The following ADAM12 variants were observed in gnomAD, a reference collection of about 807,000 sequenced individuals.
ADAM12 encodes the protein disintegrin and metalloproteinase domain-containing protein 12.
A neutral mutation model predicts 106.4 loss-of-function variants in ADAM12; 70 were observed. The ratio of observed to expected loss-of-function variants is 0.66; its 90% CI spans 0.54 to 0.80. The LOEUF is 0.80. Ranked by LOEUF, ADAM12 falls within the 30% of genes least tolerant of loss-of-function variation. The probability of loss-of-function intolerance (pLI) is 0.00; values close to 1 mark genes in which losing one functional copy is unlikely to be tolerated. For synonymous variants in ADAM12, 420 were observed against 433.5 expected (o/e 0.97, Z 0.39); for missense variants, 1,010 against 1,171.9 (o/e 0.86, Z 2.02).
intron 22 of ADAM12, 118 bp from the exon 23 acceptor site, chr10:126,017,457 AC>A: frequency 1.0e-6 from 1 of 994,072 alleles, no homozygotes; most frequent in Non-Finnish European, 1.5e-6. Flanking sequence ...TGTGTCAGAT[AC>A]CACTGCCCCT....
intron 2 of ADAM12, among the ~76,000 whole-genome samples, chr10:126,291,744 A>G (rs1030447874): frequency 3.9e-4 from 59 of 152,240 alleles, no homozygotes; most frequent in African/African-American, 1.4e-3. Flanking sequence ...GGGGTGATGG[A>G]TGCAGCTCTG....
At chr10:126,303,990 A>G (rs1960734349) in intron 2 of ADAM12, among the ~76,000 whole-genome samples, 1 of 152,160 alleles carries the variant, frequency 6.6e-6, no homozygotes, top group South Asian at 2.1e-4. Context: ...CCAGAGATTG[A>G]GCTGTAATAC....
At chr10:126,373,509 A>C (rs370529803) in intron 1 of ADAM12, among the ~76,000 whole-genome samples, 1 of 152,210 alleles carries the variant, frequency 6.6e-6, no homozygotes, top group Admixed American at 6.5e-5. Flanking sequence ...AGCGGGTTCA[A>C]CTTATTTTCT....
chr10:126,246,333 T>C (rs1048152550), intron 3 of ADAM12, among the ~76,000 whole-genome samples: 5 of 152,192 alleles, frequency 3.3e-5, no homozygotes, highest in African/African-American at 9.6e-5. Flanking sequence ...GATTTTATAG[T>C]TTTATCCTCA....
rs150090395 is a variant in ADAM12 at position 126,124,106 on chromosome 10, G to A, written c.417-5882C>T. 1.2e-4 allele frequency among the ~76,000 whole-genome samples: 19 copies of A among 152,144 alleles called. No homozygotes were observed. The East Asian group carries it at 2.3e-3, about 19-fold the overall frequency. On this transcript the variant is annotated intron_variant, in intron 5 of 22. Transcript: ENST00000448723. ...GATCCTGATTTTTTTGACTGCACCC[G>A]GCAAGCAGGACAGTGGCACATGGAT...
chr10:126,304,348 AAC>A (rs988337344), intron 2 of ADAM12, among the ~76,000 whole-genome samples: 1 of 151,740 alleles, frequency 6.6e-6, no homozygotes, highest in African/African-American at 2.4e-5. Context: ...GAGGGAGAAA[AAC>A]AAAAAACCCA....
intron 2 of ADAM12, among the ~76,000 whole-genome samples, chr10:126,310,599 G>A (rs1961039429): frequency 6.6e-6 from 1 of 152,192 alleles, no homozygotes; most frequent in African/African-American, 2.4e-5. Flanking sequence ...GATGCCTGGT[G>A]GCTGAGGTAG....
At chr10:126,171,252 G>A (rs1957115242) in intron 3 of ADAM12, among the ~76,000 whole-genome samples, 2 of 151,942 alleles carry the variant, frequency 1.3e-5, no homozygotes, top group South Asian at 4.2e-4. Context: ...GGCTAGGCAG[G>A]GTAATTCTTA....
intron 2 of ADAM12, among the ~76,000 whole-genome samples, chr10:126,279,335 G>A (rs1051786249): frequency 6.6e-6 from 1 of 152,080 alleles, no homozygotes; most frequent in South Asian, 2.1e-4. Context: ...GGGTGGCTGA[G>A]GCGAGAGATC....
chr10:126,129,764 T>C (rs987059020), intron 5 of ADAM12, among the ~76,000 whole-genome samples: 5 of 152,240 alleles, frequency 3.3e-5, no homozygotes, highest in African/African-American at 4.8e-5. Context: ...ATAAACTCCA[T>C]GGCTGAACTC....
rs1380726757 is a variant in ADAM12 at position 126,228,380 on chromosome 10, T to A, written c.260+50535A>T. 2.0e-5 allele frequency among the ~76,000 whole-genome samples: 3 copies of A among 152,182 alleles called. No individual in the cohort carries two copies. The East Asian group carries it at 5.8e-4, about 29-fold the overall frequency. On this transcript the variant is annotated intron_variant, in intron 3 of 22. Coordinates refer to ENST00000448723, the MANE Select transcript of ADAM12 (RefSeq NM_001288973.2). ...GATCGTTTCATATAAGACCAAGAAC[T>A]GGGTGCTGAAAGAACAGAAGTGAAA...
intron 14 of ADAM12, among the ~76,000 whole-genome samples, chr10:126,054,425 C>T (rs11813508): frequency 0.21 from 32,134 of 152,240 alleles, 3,625 homozygotes; most frequent in Admixed American, 0.31. Flanking sequence ...CTGCGACATC[C>T]AAAAGGTGTG....
intron 2 of ADAM12, among the ~76,000 whole-genome samples, chr10:126,311,446 T>C (rs541715454): frequency 6.6e-6 from 1 of 152,252 alleles, no homozygotes; most frequent in African/African-American, 2.4e-5. Context: ...CTGCCCCCTG[T>C]TCCTGGAACA....
chr10:126,321,566 T>A (rs1854094953), intron 2 of ADAM12, among the ~76,000 whole-genome samples: 1 of 152,008 alleles, frequency 6.6e-6, no homozygotes, highest in Non-Finnish European at 1.5e-5. Context: ...CTCCTCTTTG[T>A]GTGTTGGCCA....
chr10:126,109,745 C>T lies in ADAM12; in HGVS notation c.669+30G>A, dbSNP rs200107925. ...CCTTTTTTCTTTTATCTCTAACCAA[C>T]CATACTGAGAAATTTTAAAAAGTTC... On this transcript the variant is annotated intron_variant, in intron 7 of 22. Coordinates refer to ENST00000448723, the MANE Select transcript of ADAM12 (RefSeq NM_001288973.2). 318 of 1,597,566 alleles carry T rather than the reference C, an allele frequency of 2.0e-4. 3 individuals are homozygous for T. The highest frequency in any genetic ancestry group is 1.5e-3 in the African/African-American group (114 of 74,074).
intron 8 of ADAM12, among the ~76,000 whole-genome samples, chr10:126,107,106 C>T (rs907148369): frequency 2.6e-5 from 4 of 152,110 alleles, no homozygotes; most frequent in African/African-American, 7.2e-5. Flanking sequence ...TATGAACACA[C>T]ACATGAACAC....
rs146079969 is a variant in ADAM12 at position 126,164,048 on chromosome 10, C to T, written c.261-8743G>A. Among the ~76,000 whole-genome samples, 513 of 152,246 alleles carry T rather than the reference C, an allele frequency of 3.4e-3. 4 individuals carry two copies. Among genetic ancestry groups the T allele is most frequent in the African/African-American group, 0.011 (460 of 41,558 alleles). ...TATTTCAAGAATTCTGAATGTTCTC[C>T]GGTCATCCAGTTCAATGCTGACAAC... On this transcript the variant is annotated intron_variant, in intron 3 of 22. Coordinates refer to ENST00000448723, the MANE Select transcript of ADAM12 (RefSeq NM_001288973.2).
chr10:126,130,339 G>C (rs1008364453), intron 5 of ADAM12, among the ~76,000 whole-genome samples: 1 of 151,970 alleles, frequency 6.6e-6, no homozygotes, highest in African/African-American at 2.4e-5. Context: ...GTTGATGCAC[G>C]GTCTGCTGCT....
chr10:126,359,681 C>T (rs1039606870), intron 1 of ADAM12, among the ~76,000 whole-genome samples: 1 of 152,208 alleles, frequency 6.6e-6, no homozygotes, highest in Non-Finnish European at 1.5e-5. Flanking sequence ...CTCCTGGCTA[C>T]TTTCACGGGC....
Sources: allele counts gnomAD v4.1 joint callset (sites outside exome capture counted in the v4.1 genomes callset), GRCh38; gene constraint gnomAD v4.1.1; transcripts MANE v1.5; gene names NCBI Gene and HGNC (gene_info 2026-07-23, HGNC 2026-07-21).